Variants in RUNX1T1 observed in about 807,000 individuals in gnomAD.
RUNX1T1 encodes RUNX1 partner transcriptional co-repressor 1.
Under a neutral mutation model 62.8 loss-of-function variants are expected in RUNX1T1, and 4 were observed. The observed-to-expected ratio is 0.06, with a 90% confidence interval of 0.03 to 0.15. The LOEUF is 0.15. Among genes scored for constraint, RUNX1T1 ranks in the 10% least tolerant of loss-of-function variants. RUNX1T1 has a pLI of 1.00. For synonymous variants in RUNX1T1, 291 were observed against 286.0 expected (o/e 1.02, Z -0.18); for missense variants, 508 against 754.3 (o/e 0.67, Z 3.82).
chr8:92,089,325 TTTAA>T (rs1251925732), intron 1 of RUNX1T1, among the ~76,000 whole-genome samples: 16 of 152,204 alleles, frequency 1.1e-4, no homozygotes, highest in Admixed American at 2.0e-4. Flanking sequence ...AATTGAATTA[TTTAA>T]TTATTTTAGA....
intron 8 of RUNX1T1, among the ~76,000 whole-genome samples, chr8:91,983,440 G>A (rs1026761856): frequency 7.2e-5 from 11 of 152,070 alleles, no homozygotes; most frequent in African/African-American, 2.4e-4. Flanking sequence ...ATGACTAAAC[G>A]TTCCCAGTGT....
At chr8:91,984,373 T>C (rs1230886678) in intron 8 of RUNX1T1, among the ~76,000 whole-genome samples, 1 of 152,178 alleles carries the variant, frequency 6.6e-6, no homozygotes, top group Non-Finnish European at 1.5e-5. Context: ...GAGATGTTTC[T>C]TTTATAGTGG....
chr8:92,050,857 C>G (rs925236971), intron 1 of RUNX1T1, among the ~76,000 whole-genome samples: 3 of 152,302 alleles, frequency 2.0e-5, no homozygotes, highest in Middle Eastern at 6.8e-3. Context: ...CAACTTCTAG[C>G]AATGGACTGG....
At chr8:91,956,785 AAAT>A (rs1034266774), downstream of RUNX1T1, 8 of 218,740 alleles carry the variant, frequency 3.7e-5, no homozygotes, top group Admixed American at 4.1e-4. Context: ...GCAGAACCCA[AAAT>A]AATATTTTAA....
At chr8:91,994,155 G>A (rs1301721681) in intron 5 of RUNX1T1, among the ~76,000 whole-genome samples, 1 of 152,172 alleles carries the variant, frequency 6.6e-6, no homozygotes, top group Non-Finnish European at 1.5e-5. Flanking sequence ...GTGGCCAGGA[G>A]TCCTAATGCT....
upstream of RUNX1T1, chr8:92,063,496 C>T (rs1832395839): frequency 6.6e-6 from 1 of 152,170 alleles, no homozygotes; most frequent in Non-Finnish European, 1.5e-5. Flanking sequence ...GTTTATCCTT[C>T]CCATGAATAA....
intron 9 of RUNX1T1, among the ~76,000 whole-genome samples, chr8:91,975,271 T>C (rs1051167724): frequency 1.3e-5 from 2 of 152,190 alleles, no homozygotes; most frequent in Non-Finnish European, 2.9e-5. Context: ...AAATCTACTA[T>C]TACAAAATAT....
chr8:91,970,932 T>A, intron 9 of RUNX1T1, 84 bp from the exon 11 acceptor site: 1 of 1,104,298 alleles, frequency 9.1e-7, no homozygotes, highest in Non-Finnish European at 1.2e-6. Flanking sequence ...TTTCTTTTAA[T>A]TTTTTTTTTC....
At chr8:92,060,060 T>C (rs1831663838) in intron 1 of RUNX1T1, among the ~76,000 whole-genome samples, 1 of 152,150 alleles carries the variant, frequency 6.6e-6, no homozygotes, top group Non-Finnish European at 1.5e-5. Context: ...AATATAAGTG[T>C]TTCAGAAAGC....
upstream of RUNX1T1, chr8:92,103,070 CAG>C (rs926574851): frequency 1.0e-5 from 5 of 488,720 alleles, no homozygotes; most frequent in South Asian, 6.7e-5. Context: ...CGGCGCTGCG[CAG>C]AGAGAGCTGC....
chr8:92,095,626 G>A (rs1055495424), intron 1 of RUNX1T1: 8 of 1,347,170 alleles, frequency 5.9e-6, no homozygotes, highest in Non-Finnish European at 6.8e-6. Context: ...GAGAGAGAGA[G>A]AGAAGACAGA....
At chr8:92,018,434 C>A (rs1321225354) in intron 1 of RUNX1T1, among the ~76,000 whole-genome samples, 3 of 152,162 alleles carry the variant, frequency 2.0e-5, no homozygotes, top group African/African-American at 7.2e-5. Context: ...ATTTTTGGTT[C>A]TTTAGATCTA....
At chr8:91,956,862 G>A (rs564574129), downstream of RUNX1T1, 151 of 216,356 alleles carry the variant, frequency 7.0e-4, 1 homozygote, top group Non-Finnish European at 1.0e-4. Context: ...TGAGGAATTC[G>A]GACAACATGG....
downstream of RUNX1T1, chr8:91,958,638 T>TA (rs1254866054): frequency 0.054 from 7,018 of 129,108 alleles, 277 homozygotes; most frequent in African/African-American, 0.15. Flanking sequence ...AATAATGATT[T>TA]AAAAAAAAAA....
At chr8:92,057,729 C>T (rs1037935923) in intron 1 of RUNX1T1, among the ~76,000 whole-genome samples, 8 of 152,080 alleles carry the variant, frequency 5.3e-5, no homozygotes, top group Admixed American at 2.6e-4. Flanking sequence ...AAAGCCAGCA[C>T]GATAAACCTG....
intron 1 of RUNX1T1, among the ~76,000 whole-genome samples, 185 bp from the exon 2 acceptor site, chr8:92,076,322 T>A (rs1010131430): frequency 1.3e-5 from 2 of 152,130 alleles, no homozygotes; most frequent in Admixed American, 6.5e-5. Flanking sequence ...GTTCCTATCA[T>A]GATGTTTTCT....
intron 4 of RUNX1T1, chr8:92,010,081 C>T (rs1441115006): frequency 6.6e-6 from 1 of 152,158 alleles, no homozygotes; most frequent in Non-Finnish European, 1.5e-5. Flanking sequence ...AAATTTCACA[C>T]AGGATCTGAT....
chr8:92,099,741 T>G (rs1464759983), upstream of RUNX1T1: 1 of 626,524 alleles, frequency 1.6e-6, no homozygotes, highest in Non-Finnish European at 2.0e-6. Context: ...GATGTTCATA[T>G]CAAAGAAGTG....
intron 10 of RUNX1T1, among the ~76,000 whole-genome samples, chr8:91,967,708 C>T (rs941056802): frequency 3.9e-5 from 6 of 152,078 alleles, no homozygotes; most frequent in South Asian, 2.1e-4. Context: ...CTTCTGATCG[C>T]GAATCTTAGA....
Sources: gnomAD v4.1 joint callset for allele counts (sites outside exome capture counted in the v4.1 genomes callset) on GRCh38, gnomAD v4.1.1 for gene constraint, MANE v1.5 for transcripts, NCBI Gene and HGNC (gene_info 2026-07-23, HGNC 2026-07-21) for gene names.